H3-5: variants seen among roughly 807,000 people sequenced by gnomAD.
H3-5 encodes H3.5 histone, also known as histone H3.3C.
Under a neutral mutation model 8.8 loss-of-function variants are expected in H3-5, and 9 were observed. That is an observed-to-expected ratio of 1.03 (90% CI 0.62 to 1.79). The LOEUF is 1.79. Among genes scored for constraint, H3-5 ranks in the 40% most tolerant of loss-of-function variants. The pLI is 0.00. For synonymous variants in H3-5, 82 were observed against 76.1 expected (o/e 1.08, Z -0.40); for missense variants, 173 against 183.8 (o/e 0.94, Z 0.34).
At position 31,791,794 on chromosome 12, in the gene H3-5, G is replaced by C. The variant is rs1167963382; in HGVS notation, c.373C>G (p.Gln125Glu). ...KRVTIMPKDI[Q>E]LARRIRGERA ...TCTCCCCGTATCCGGCGAGCCAACT[G>C]GATGTCTTTGGGCATGATGGTGACT... Residue 125 changes from glutamine to glutamate, a missense_variant, in exon 1 of 1, where the codon CAG (glutamine) becomes GAG (glutamate). Transcript: ENST00000340398. The C allele has an allele frequency of 1.2e-6, 2 of 1,614,056 alleles. No homozygotes were observed. The highest frequency in any genetic ancestry group is 1.7e-6 in the Non-Finnish European group (2 of 1,180,042).
At position 31,791,964 on chromosome 12, in the gene H3-5, TG is replaced by T; in HGVS notation, c.202del (p.Gln68ArgfsTer4). ...TELLIRKLPF[Q>X]RLVREIAQDF... ...CTGCGCGATCTCCCTCACCAACCTCTGGAAGGGCAGCTTCCGGATGAGCAGC... is the reference window on the plus strand; with the variant it reads ...CTGCGCGATCTCCCTCACCAACCTCTGAAGGGCAGCTTCCGGATGAGCAGC... On this transcript the variant is annotated frameshift_variant, in exon 1 of 1. Coordinates refer to ENST00000340398, the MANE Select transcript of H3-5 (RefSeq NM_001013699.3). LOFTEE classifies it high-confidence loss of function. 1 of 1,614,168 alleles carries T rather than the reference TG, an allele frequency of 6.2e-7. No homozygotes were observed. The highest frequency in any genetic ancestry group is 8.5e-7 in the Non-Finnish European group (1 of 1,180,042).
In H3-5 at chr12:31,792,122, T is replaced by C; in HGVS notation, c.45A>G (p.Lys15=). 1 of 1,614,072 alleles carries C rather than the reference T, an allele frequency of 6.2e-7. No homozygotes were observed. The highest frequency in any genetic ancestry group is 8.5e-7 in the Non-Finnish European group (1 of 1,179,994). Residue 15 remains lysine (K), a synonymous_variant, in exon 1 of 1, where the codon AAA becomes AAG. Transcript: ENST00000340398. ...KQTARKSTGG[K]APRKQLATKA... ...TCGTGGCCAGCTGTTTGCGGGGGGC[T>C]TTCCCACCGGTGGATTTACGAGCAG...
Position 31,791,470 on chromosome 12 carries a change from T to C in H3-5, c.*289A>G. 1 of 484,944 alleles carries C rather than the reference T, an allele frequency of 2.1e-6. No individual in the cohort carries two copies. Among genetic ancestry groups the C allele is most frequent in the Non-Finnish European group, 3.7e-6 (1 of 268,824 alleles). The allele number at this position is 484,944 out of a possible 1,614,324, so 30.0% of individuals were successfully genotyped here. On this transcript the variant is annotated 3_prime_UTR_variant, in exon 1 of 1. Coordinates refer to ENST00000340398, the MANE Select transcript of H3-5 (RefSeq NM_001013699.3). ...CCCTGTTGTACACATTTATCAATTC[T>C]AGTACCTTAATAGCTACCCAACAAG...
chr12:31,791,968 A>T lies in H3-5; in HGVS notation c.199T>A (p.Phe67Ile). 2 of 1,614,200 alleles carry T rather than the reference A, an allele frequency of 1.2e-6. No homozygotes were observed. The highest frequency in any genetic ancestry group is 1.7e-6 in the Non-Finnish European group (2 of 1,180,046). Reference protein sequence around the residue: ...STELLIRKLPFQRLVREIAQD... With the variant: ...STELLIRKLPIQRLVREIAQD... ...GCGATCTCCCTCACCAACCTCTGGA[A>T]GGGCAGCTTCCGGATGAGCAGCTCG... Residue 67 changes from phenylalanine (F) to isoleucine (I), a missense_variant, in exon 1 of 1, where the codon TTC becomes ATC. By Grantham distance (21) the Phe-to-Ile change is conservative (BLOSUM62 0). Transcript: ENST00000340398.
In H3-5 at chr12:31,792,074, G is replaced by A. The variant is rs1592202879; in HGVS notation, c.93C>T (p.Pro31=). The change falls in exon 1 of 1, where the codon CCC becomes CCT. Residue 31 remains proline (P), a synonymous_variant. Transcript: ENST00000340398. The stretch of plus-strand genomic sequence containing the variant: ...GATGAGGCTTCACCCCGCAGGTAGA[G>A]GGGGTGCTTTTCCTGGCAGCTTTCG... ...LATKAARKST[P]STCGVKPHRY... is the part of the protein sequence containing the mutation. The A allele has an allele frequency of 1.2e-6, 2 of 1,614,092 alleles. No individual in the cohort carries two copies.
chr12:31,791,984 G>A lies in H3-5; in HGVS notation c.183C>T (p.Leu61=), dbSNP rs1940980711. ...ACCTCTGGAAGGGCAGCTTCCGGAT[G>A]AGCAGCTCGGTCGACTTCTGATAAC... The part of the protein sequence containing the change: ...IRRYQKSTEL[L]IRKLPFQRLV... The change falls in exon 1 of 1, where the codon CTC becomes CTT. Residue 61 remains leucine, a synonymous_variant. Coordinates refer to ENST00000340398, the MANE Select transcript of H3-5 (RefSeq NM_001013699.3). The A allele has an allele frequency of 1.9e-6, 3 of 1,614,074 alleles. No homozygotes were observed. The highest frequency in any genetic ancestry group is 1.1e-5 in the South Asian group (1 of 91,090).
rs758582920 is a variant in H3-5 at position 31,791,795 on chromosome 12, G to C, written c.372C>G (p.Ile124Met). 5.0e-6 allele frequency: 8 copies of C among 1,614,162 alleles called. No individual in the cohort carries two copies. The East Asian group carries it at 1.6e-4, about 31-fold the overall frequency. The change falls in exon 1 of 1, where the codon ATC becomes ATG. Residue 124 changes from isoleucine to methionine, a missense_variant. Transcript: ENST00000340398. ...AKRVTIMPKD[I>M]QLARRIRGER... ...CTCCCCGTATCCGGCGAGCCAACTG[G>C]ATGTCTTTGGGCATGATGGTGACTC...
At position 31,792,063 on chromosome 12, in the gene H3-5, C is replaced by G; in HGVS notation, c.104G>C (p.Gly35Ala). Residue 35 changes from glycine to alanine, a missense_variant, in exon 1 of 1, where the codon GGG (glycine) becomes GCG (alanine). Transcript: ENST00000340398. ...AARKSTPSTC[G>A]VKPHRYRPGT... ...AGGCCTGTAGCGATGAGGCTTCACC[C>G]CGCAGGTAGAGGGGGTGCTTTTCCT... 1 of 1,614,234 alleles carries G rather than the reference C, an allele frequency of 6.2e-7. No homozygotes were observed. Among genetic ancestry groups the G allele is most frequent in the Non-Finnish European group, 8.5e-7 (1 of 1,180,042 alleles).
Sources: allele counts gnomAD v4.1 joint callset, GRCh38; gene constraint gnomAD v4.1.1; transcripts MANE v1.5; gene names NCBI Gene and HGNC (gene_info 2026-07-23, HGNC 2026-07-21).